PCDHGA9: variants seen among roughly 807,000 people sequenced by gnomAD.
PCDHGA9 encodes protocadherin gamma subfamily A, 9.
Under a neutral mutation model 62.5 loss-of-function variants are expected in PCDHGA9, and 37 were observed. That is an observed-to-expected ratio of 0.59 (90% confidence interval 0.46 to 0.78). The LOEUF is 0.78. PCDHGA9 is among the 30% of genes least tolerant of loss of function. PCDHGA9 has a pLI of 0.00. For synonymous variants in PCDHGA9, 459 were observed against 484.6 expected (o/e 0.95, Z 0.69); for missense variants, 1,138 against 1,166.2 (o/e 0.98, Z 0.35).
intron 1 of PCDHGA9, chr5:141,415,899 G>A (rs1224954481): frequency 1.2e-6 from 1 of 869,552 alleles, no homozygotes; most frequent in Non-Finnish European, 1.6e-6. Flanking sequence ...TCCTAAGACA[G>A]ACTTCCATAC....
Position 141,427,512 on chromosome 5 carries a change from T to A in PCDHGA9, c.2424+22136T>A, listed in dbSNP as rs1483922394. ...GCTTGTAACAGATGGGACCCTGGATTGGGAGCGGATCCCGGAGTACAACGT... is the reference window on the plus strand; with the variant it reads ...GCTTGTAACAGATGGGACCCTGGATAGGGAGCGGATCCCGGAGTACAACGT... On this transcript the variant is annotated intron_variant, in intron 1 of 3. Transcript: ENST00000573521. 1.2e-5 allele frequency: 7 copies of A among 592,748 alleles called. No homozygotes were observed. The Admixed American group carries it at 1.3e-4, about 11-fold the overall frequency. 36.7% of individuals were successfully genotyped at this position (592,748 alleles called of 1,614,324 possible). A position where few individuals can be genotyped will look rare whatever the true frequency, so the allele number is the denominator to read the frequency against.
chr5:141,419,259 C>A (rs765877993), intron 1 of PCDHGA9: 11 of 1,614,016 alleles, frequency 6.8e-6, no homozygotes, highest in Non-Finnish European at 9.3e-6. Flanking sequence ...AACAACCAGC[C>A]GGGTGCCTCC....
rs76825883 is a variant in PCDHGA9, at chr5:141,433,317, C to T, written c.2424+27941C>T. The T allele has an allele frequency of 1.4e-3, 1,163 of 830,944 alleles. 6 individuals are homozygous for T. In the African/African-American group the frequency reaches 0.015, roughly 11 times the overall value. 51.5% of individuals were successfully genotyped at this position (830,944 alleles called of 1,614,324 possible). A position where few individuals can be genotyped will look rare whatever the true frequency, so the allele number is the denominator to read the frequency against. On this transcript the variant is annotated intron_variant, in intron 1 of 3. Transcript: ENST00000573521. ...CAAGCAATTATCCCACCTTTGCCTC[C>T]GGTGTAACAGGGACTACAGGTGCAA... is the stretch of plus-strand genomic sequence containing the variant.
At chr5:141,446,766 C>T (rs1335326278) in intron 1 of PCDHGA9, among the ~76,000 whole-genome samples, 7 of 152,208 alleles carry the variant, frequency 4.6e-5, no homozygotes, top group East Asian at 3.9e-4. Context: ...CGCGCCCAGC[C>T]GGTTACCATT....
rs756466649 is a variant in PCDHGA9, at chr5:141,495,663, G to A, written c.2483+798G>A. 1.1e-3 allele frequency among the ~76,000 whole-genome samples: 169 copies of A among 152,164 alleles called. 3 individuals are homozygous for A. The highest frequency in any genetic ancestry group is 1.9e-3 in the Admixed American group (29 of 15,272). ...TTGTCTACTTGCATTGATCTGTGCCGCCCACTGTGCCTGCCATGGCATAAG... is the reference window on the plus strand; with the variant it reads ...TTGTCTACTTGCATTGATCTGTGCCACCCACTGTGCCTGCCATGGCATAAG... On this transcript the variant is annotated intron_variant, in intron 2 of 3. Coordinates refer to ENST00000573521, the MANE Select transcript of PCDHGA9 (RefSeq NM_018921.3).
At chr5:141,414,143 T>C (rs887054185) in intron 1 of PCDHGA9, 1 of 1,597,122 alleles carries the variant, frequency 6.3e-7, no homozygotes, top group Non-Finnish European at 8.5e-7. Flanking sequence ...GAAATAGAAA[T>C]ACAAGCAGAA....
intron 1 of PCDHGA9, among the ~76,000 whole-genome samples, chr5:141,470,036 C>T (rs573955901): frequency 5.3e-5 from 8 of 152,022 alleles, no homozygotes; most frequent in South Asian, 2.1e-4. Flanking sequence ...TGCTGAGGCG[C>T]GAGAACTGTT....
chr5:141,436,099 T>C (rs1400528271), intron 1 of PCDHGA9, among the ~76,000 whole-genome samples: 1 of 152,128 alleles, frequency 6.6e-6, no homozygotes, highest in Non-Finnish European at 1.5e-5. Flanking sequence ...TTGAGAGAAA[T>C]AGAGGACAAT....
intron 2 of PCDHGA9, among the ~76,000 whole-genome samples, chr5:141,499,010 AAGG>A (rs2099788390): frequency 6.6e-6 from 1 of 151,098 alleles, no homozygotes; most frequent in Non-Finnish European, 1.5e-5. Context: ...GGAAGGAAGG[AAGG>A]AAGGAAGGAA....
chr5:141,490,322 A>C lies in PCDHGA9; in HGVS notation c.2425-4485A>C. ...GCCTCTTTGGCCAACCCTGTCCTAGAGAGCACACCAGTGGGCACAGTAGTG... is the reference window on the plus strand; with the variant it reads ...GCCTCTTTGGCCAACCCTGTCCTAGCGAGCACACCAGTGGGCACAGTAGTG... On this transcript the variant is annotated intron_variant, in intron 1 of 3. Coordinates refer to ENST00000573521, the MANE Select transcript of PCDHGA9 (RefSeq NM_018921.3). This position sits in a 1 kb window ranked among gnomAD's most constrained non-coding sequence, Gnocchi z 5.4. The C allele has an allele frequency of 6.2e-7, 1 of 1,614,232 alleles. No individual in the cohort carries two copies. Among genetic ancestry groups the C allele is most frequent in the Non-Finnish European group, 8.5e-7 (1 of 1,180,038 alleles).
Position 141,491,415 on chromosome 5 carries a change from G to GGGT in PCDHGA9, c.2425-3389_2425-3387dup. 1 of 1,614,126 alleles carries GGGT rather than the reference G, an allele frequency of 6.2e-7. No individual in the cohort carries two copies. Among genetic ancestry groups the GGGT allele is most frequent in the Non-Finnish European group, 8.5e-7 (1 of 1,180,034 alleles). ...TTCAGGGAAACGCAGACGGGGACGG[G>GGGT]GGTGGAGGGCAGTGCTGCAGGCGCC... On this transcript the variant is annotated intron_variant, in intron 1 of 3. Transcript: ENST00000573521. The surrounding 1 kb of genome is among the most constrained non-coding windows in gnomAD (Gnocchi z 6.9).
Position 141,491,547 on chromosome 5 carries a change from G to C in PCDHGA9, c.2425-3260G>C. On this transcript the variant is annotated intron_variant, in intron 1 of 3. Coordinates refer to ENST00000573521, the MANE Select transcript of PCDHGA9 (RefSeq NM_018921.3). This position sits in a 1 kb window ranked among gnomAD's most constrained non-coding sequence, Gnocchi z 6.9. Reference sequence around the variant, plus strand: ...AGGTGACGCTGCGGCCCACAGACTCGCAGAGCCACTGCTACAGGACGTGCT... The same window carrying C: ...AGGTGACGCTGCGGCCCACAGACTCCCAGAGCCACTGCTACAGGACGTGCT... 6.2e-7 allele frequency: 1 copy of C among 1,613,974 alleles called. No individual in the cohort carries two copies. The highest frequency in any genetic ancestry group is 8.5e-7 in the Non-Finnish European group (1 of 1,180,022).
intron 1 of PCDHGA9, among the ~76,000 whole-genome samples, chr5:141,482,988 G>A (rs982148755): frequency 2.6e-5 from 4 of 152,112 alleles, no homozygotes; most frequent in South Asian, 2.1e-4. Context: ...GAGAGGTCGA[G>A]GCAGGAGAAT....
intron 1 of PCDHGA9, among the ~76,000 whole-genome samples, chr5:141,494,547 C>T (rs2099755185): frequency 6.6e-6 from 1 of 152,106 alleles, no homozygotes; most frequent in East Asian, 1.9e-4. Context: ...GAGGAAGGGG[C>T]CATTTCTTTA....
At chr5:141,414,677 AG>A in intron 1 of PCDHGA9, 1 of 1,613,794 alleles carries the variant, frequency 6.2e-7, no homozygotes, top group Non-Finnish European at 8.5e-7. Context: ...GACACCATCC[AG>A]GGGGTACCTC....
chr5:141,459,757 G>A (rs1360124889), intron 1 of PCDHGA9, among the ~76,000 whole-genome samples: 3 of 152,162 alleles, frequency 2.0e-5, no homozygotes, highest in Admixed American at 2.0e-4. Context: ...ATTCTAGTGG[G>A]TGTGTGATAC....
At chr5:141,471,078 T>C (rs1370939177) in intron 1 of PCDHGA9, among the ~76,000 whole-genome samples, 1 of 142,250 alleles carries the variant, frequency 7.0e-6, no homozygotes, top group Non-Finnish European at 1.5e-5. Context: ...AGACAGGGTC[T>C]CCCTCTGTTG....
chr5:141,427,921 G>A (rs2097089596), intron 1 of PCDHGA9: 3 of 1,580,128 alleles, frequency 1.9e-6, no homozygotes, highest in African/African-American at 1.3e-5. Flanking sequence ...AACATGAGCC[G>A]GCGCATGTTG....
intron 1 of PCDHGA9, chr5:141,478,582 G>T: frequency 1.3e-6 from 2 of 1,579,988 alleles, no homozygotes; most frequent in Non-Finnish European, 1.7e-6. Context: ...CCCTGTTAGT[G>T]CTTTTTTATT....
Sources: allele counts gnomAD v4.1 joint callset (sites outside exome capture counted in the v4.1 genomes callset), GRCh38; gene constraint gnomAD v4.1.1; non-coding constraint Gnocchi (gnomAD v3.1); transcripts MANE v1.5; gene names NCBI Gene and HGNC (gene_info 2026-07-23, HGNC 2026-07-21).